Variants in RALGAPA2 observed in about 807,000 individuals in gnomAD.
RALGAPA2 encodes the protein ral GTPase-activating protein subunit alpha-2.
A neutral mutation model predicts 230.4 loss-of-function variants in RALGAPA2; 139 were observed. The ratio of observed to expected loss-of-function variants is 0.60; its 90% CI spans 0.53 to 0.69. RALGAPA2 has a LOEUF of 0.69. Ranked by LOEUF, RALGAPA2 falls within the 30% of genes least tolerant of loss-of-function variation. The probability of loss-of-function intolerance (pLI) is 0.00; values close to 1 mark genes in which losing one functional copy is unlikely to be tolerated. For missense variants in RALGAPA2, 2,163 were observed against 2,276.0 expected (o/e 0.95, Z 1.01); for synonymous variants, 847 against 837.8 (o/e 1.01, Z -0.19).
chr20:20,537,847 A>G (rs1384663646), intron 24 of RALGAPA2, among the ~76,000 whole-genome samples: 1 of 152,186 alleles, frequency 6.6e-6, no homozygotes, highest in Non-Finnish European at 1.5e-5. Flanking sequence ...ATTTCTTCAT[A>G]AAGTCCCCTC....
At chr20:20,498,652 C>G (rs1854168362) in intron 35 of RALGAPA2, among the ~76,000 whole-genome samples, 1 of 152,156 alleles carries the variant, frequency 6.6e-6, no homozygotes, top group South Asian at 2.1e-4. Flanking sequence ...GACAGTGTGC[C>G]CATCCTAAAA....
chr20:20,426,563 C>T (rs1240099035), intron 37 of RALGAPA2, among the ~76,000 whole-genome samples: 1 of 152,196 alleles, frequency 6.6e-6, no homozygotes, highest in Non-Finnish European at 1.5e-5. Context: ...TGTGATGCTT[C>T]TGCTTAGGGG....
At chr20:20,504,271 T>C (rs2062463308) in intron 34 of RALGAPA2, among the ~76,000 whole-genome samples, 1 of 152,206 alleles carries the variant, frequency 6.6e-6, no homozygotes, top group African/African-American at 2.4e-5. Flanking sequence ...AATGATTTAC[T>C]GGAAGTACAG....
intron 37 of RALGAPA2, chr20:20,472,367 C>T (rs1231870961): frequency 6.6e-6 from 1 of 152,346 alleles, no homozygotes; most frequent in Admixed American, 6.5e-5. Context: ...CAGAAACCTA[C>T]TTGCACTTCT....
At chr20:20,635,650 T>C in intron 8 of RALGAPA2, 33 bp from the exon 9 acceptor site, 3 of 1,437,054 alleles carry the variant, frequency 2.1e-6, no homozygotes, top group Non-Finnish European at 2.8e-6. Flanking sequence ...ATTGATTAGG[T>C]TAATAAATCA....
chr20:20,550,784 A>G (rs1250851659), intron 23 of RALGAPA2, among the ~76,000 whole-genome samples: 2 of 152,248 alleles, frequency 1.3e-5, no homozygotes, highest in African/African-American at 4.8e-5. Flanking sequence ...AGATAAGAAC[A>G]TATGCCTTTG....
intron 36 of RALGAPA2, among the ~76,000 whole-genome samples, chr20:20,483,147 G>A (rs1032858559): frequency 1.2e-4 from 19 of 152,186 alleles, no homozygotes; most frequent in African/African-American, 4.1e-4. Flanking sequence ...AAGTTAGGTG[G>A]CCAGAAACCA....
At chr20:20,581,899 T>C (rs544033877) in intron 20 of RALGAPA2, among the ~76,000 whole-genome samples, 4 of 152,312 alleles carry the variant, frequency 2.6e-5, no homozygotes, top group African/African-American at 4.8e-5. Flanking sequence ...TTTTTGGCAT[T>C]TTAATAACAC....
intron 4 of RALGAPA2, among the ~76,000 whole-genome samples, chr20:20,649,152 C>A (rs918618410): frequency 6.6e-6 from 1 of 152,138 alleles, no homozygotes; most frequent in Non-Finnish European, 1.5e-5. Context: ...AACATGGAGG[C>A]AGGTGGGGTC....
intron 37 of RALGAPA2, among the ~76,000 whole-genome samples, chr20:20,434,675 C>T (rs908960510): frequency 6.6e-6 from 1 of 152,086 alleles, no homozygotes; most frequent in Non-Finnish European, 1.5e-5. Flanking sequence ...GTGGCTCATG[C>T]ATGTAATCCC....
intron 16 of RALGAPA2, among the ~76,000 whole-genome samples, chr20:20,595,182 C>A (rs1472062814): frequency 2.0e-5 from 3 of 152,026 alleles, no homozygotes; most frequent in African/African-American, 4.8e-5. Context: ...TTTTTCACAG[C>A]AATTTCACTC....
At chr20:20,452,921 C>T (rs1007468311) in intron 37 of RALGAPA2, among the ~76,000 whole-genome samples, 3 of 152,068 alleles carry the variant, frequency 2.0e-5, no homozygotes, top group East Asian at 1.9e-4. Context: ...GGTGGGGAGC[C>T]GTGAGTTGAT....
At chr20:20,706,478 C>T (rs779955907) in intron 1 of RALGAPA2, among the ~76,000 whole-genome samples, 12 of 152,184 alleles carry the variant, frequency 7.9e-5, no homozygotes, top group Middle Eastern at 3.2e-3. Context: ...AGAATGTCCA[C>T]GTGGCATTAA....
intron 1 of RALGAPA2, among the ~76,000 whole-genome samples, chr20:20,710,512 A>T (rs1329576018): frequency 7.2e-5 from 11 of 152,222 alleles, no homozygotes; most frequent in Non-Finnish European, 1.5e-5. Context: ...CACAGTAATA[A>T]ACAAAGCAAA....
intron 37 of RALGAPA2, among the ~76,000 whole-genome samples, chr20:20,440,370 T>C (rs1330030582): frequency 6.6e-6 from 1 of 152,178 alleles, no homozygotes; most frequent in Non-Finnish European, 1.5e-5. Context: ...GGTCACTGAG[T>C]ATTTAAGTTC....
intron 20 of RALGAPA2, among the ~76,000 whole-genome samples, chr20:20,578,027 A>G (rs1277214365): frequency 6.6e-6 from 1 of 152,124 alleles, no homozygotes; most frequent in Non-Finnish European, 1.5e-5. Context: ...TCCCACATAG[A>G]AAATCTGCTT....
intron 20 of RALGAPA2, among the ~76,000 whole-genome samples, chr20:20,578,448 T>G (rs985271974): frequency 1.3e-5 from 2 of 152,156 alleles, no homozygotes; most frequent in Non-Finnish European, 2.9e-5. Context: ...TGTTTAAAAT[T>G]TTTTTATTAA....
chr20:20,639,140 T>C (rs146178527), intron 7 of RALGAPA2, among the ~76,000 whole-genome samples: 1,671 of 152,204 alleles, frequency 0.011, 17 homozygotes, highest in South Asian at 0.06. Context: ...CAAAAGAACA[T>C]GAATGAGGAT....
At chr20:20,468,686 C>G (rs984046526) in intron 37 of RALGAPA2, among the ~76,000 whole-genome samples, 1 of 151,982 alleles carries the variant, frequency 6.6e-6, no homozygotes, top group East Asian at 1.9e-4. Flanking sequence ...ATCTCTGCCC[C>G]CTCCTTTCAA....
Sources: gnomAD v4.1 joint callset for allele counts (sites outside exome capture counted in the v4.1 genomes callset) on GRCh38, gnomAD v4.1.1 for gene constraint, MANE v1.5 for transcripts, NCBI Gene and HGNC (gene_info 2026-07-23, HGNC 2026-07-21) for gene names.